The following SEM1 variants were observed in gnomAD, a reference collection of about 807,000 sequenced individuals.
SEM1 encodes the protein SEM1 26S proteasome subunit.
SEM1 carries 3 observed loss-of-function variants against 12.7 expected under a neutral mutation model. That is an observed-to-expected ratio of 0.24 (90% CI 0.11 to 0.61). The LOEUF (loss-of-function observed/expected upper bound fraction) is 0.61, where lower values mean the gene tolerates loss of function less well. SEM1 is among the 20% of genes least tolerant of loss of function. The pLI is 0.88. For synonymous variants in SEM1, 30 were observed against 27.8 expected (o/e 1.08, Z -0.25); for missense variants, 59 against 81.3 (o/e 0.73, Z 1.06).
At chr7:96,680,069 A>G (rs1254782283) in intron 2 of SEM1, among the ~76,000 whole-genome samples, 1 of 152,044 alleles carries the variant, frequency 6.6e-6, no homozygotes, top group East Asian at 1.9e-4. Flanking sequence ...CTCTCAACCA[A>G]TGACTGACGA....
chr7:96,534,382 T>A (rs1011427364), intron 2 of SEM1, among the ~76,000 whole-genome samples: 3 of 152,062 alleles, frequency 2.0e-5, no homozygotes, highest in Non-Finnish European at 4.4e-5. Flanking sequence ...CCTTATGAAA[T>A]GTGTCAACAT....
intron 2 of SEM1, among the ~76,000 whole-genome samples, chr7:96,509,392 A>G (rs1317109232): frequency 6.6e-6 from 1 of 152,028 alleles, no homozygotes; most frequent in Non-Finnish European, 1.5e-5. Context: ...TTTCACATTA[A>G]TAAGCATTAG....
chr7:96,501,717 AATT>A (rs1046584241), intron 3 of SEM1, among the ~76,000 whole-genome samples: 8 of 152,106 alleles, frequency 5.3e-5, no homozygotes, highest in Non-Finnish European at 8.8e-5. Context: ...GCTTTATGTG[AATT>A]ATTATTATTT....
intron 2 of SEM1, among the ~76,000 whole-genome samples, chr7:96,570,440 G>A (rs1399644863): frequency 6.6e-6 from 1 of 151,896 alleles, no homozygotes; most frequent in Admixed American, 6.6e-5. Context: ...GTGAGAACAC[G>A]TGGTGTTTGG....
chr7:96,540,074 A>C (rs1280066894), intron 2 of SEM1, among the ~76,000 whole-genome samples: 1 of 151,346 alleles, frequency 6.6e-6, no homozygotes, highest in Non-Finnish European at 1.5e-5. Context: ...TTATATAAAA[A>C]ATTGAAAAAG....
chr7:96,555,949 CTTCT>C (rs1805478995), intron 2 of SEM1, among the ~76,000 whole-genome samples: 3 of 143,816 alleles, frequency 2.1e-5, no homozygotes, highest in South Asian at 2.3e-4. Context: ...ATGTAATGGC[CTTCT>C]TTGTCTTTTT....
chr7:96,580,885 G>T (rs1314576340), intron 2 of SEM1, among the ~76,000 whole-genome samples: 5 of 152,108 alleles, frequency 3.3e-5, no homozygotes, highest in African/African-American at 1.2e-4. Flanking sequence ...TGTCAGATGA[G>T]TAGGTTGCAA....
At chr7:96,596,194 T>C (rs1050181281) in intron 2 of SEM1, among the ~76,000 whole-genome samples, 3 of 152,206 alleles carry the variant, frequency 2.0e-5, no homozygotes, top group Non-Finnish European at 4.4e-5. Flanking sequence ...GAGCAGTGGT[T>C]GATCTGATAA....
At chr7:96,652,417 A>ATAAAGTATC (rs1390179165) in intron 2 of SEM1, among the ~76,000 whole-genome samples, 2 of 152,088 alleles carry the variant, frequency 1.3e-5, no homozygotes, top group Non-Finnish European at 2.9e-5. Flanking sequence ...TTAGGATATG[A>ATAAAGTATC]TAAAGTATCT....
intron 2 of SEM1, among the ~76,000 whole-genome samples, chr7:96,583,098 T>C (rs2116072690): frequency 6.6e-6 from 1 of 152,206 alleles, no homozygotes; most frequent in South Asian, 2.1e-4. Context: ...TGCTTTCTCT[T>C]GTGGGCATTT....
At chr7:96,511,881 AG>A (rs1191942061) in intron 2 of SEM1, among the ~76,000 whole-genome samples, 1 of 152,096 alleles carries the variant, frequency 6.6e-6, no homozygotes, top group Non-Finnish European at 1.5e-5. Flanking sequence ...CCTTTAAAGC[AG>A]GGCTTCTCAA....
chr7:96,582,204 G>A, intron 2 of SEM1, among the ~76,000 whole-genome samples: 1 of 150,904 alleles, frequency 6.6e-6, no homozygotes. Context: ...TTTGTCAAAG[G>A]CCTTTTCTGC....
intron 2 of SEM1, among the ~76,000 whole-genome samples, chr7:96,578,402 C>T (rs1021429769): frequency 2.6e-5 from 4 of 151,868 alleles, no homozygotes; most frequent in African/African-American, 7.3e-5. Flanking sequence ...AAACAAATGA[C>T]AATTTGATTG....
intron 2 of SEM1, among the ~76,000 whole-genome samples, chr7:96,654,652 TA>T (rs1030056390): frequency 7.2e-5 from 11 of 152,132 alleles, no homozygotes; most frequent in Admixed American, 1.3e-4. Context: ...TGTGCACACT[TA>T]AGGTAGGGTA....
chr7:96,684,735 T>C (rs1173248728), downstream of SEM1, among the ~76,000 whole-genome samples: 1 of 152,104 alleles, frequency 6.6e-6, no homozygotes, highest in African/African-American at 2.4e-5. Context: ...AAGGGTTCTC[T>C]TCTCATCAAG....
intron 2 of SEM1, among the ~76,000 whole-genome samples, chr7:96,551,804 A>G (rs1175011262): frequency 1.3e-5 from 2 of 152,146 alleles, no homozygotes; most frequent in Non-Finnish European, 2.9e-5. Context: ...CTAAGGATCA[A>G]CAAGGACTGC....
At chr7:96,575,024 C>A (rs950297682) in intron 2 of SEM1, among the ~76,000 whole-genome samples, 1 of 152,166 alleles carries the variant, frequency 6.6e-6, no homozygotes, top group African/African-American at 2.4e-5. Context: ...GACTTGTGAT[C>A]CTTTGGTGGA....
At chr7:96,504,442 C>A (rs1803681452) in intron 3 of SEM1, among the ~76,000 whole-genome samples, 1 of 152,088 alleles carries the variant, frequency 6.6e-6, no homozygotes, top group Non-Finnish European at 1.5e-5. Flanking sequence ...TAACAAATCC[C>A]CATGAGCTCA....
intron 2 of SEM1, among the ~76,000 whole-genome samples, chr7:96,586,762 C>CA (rs1806651036): frequency 6.6e-6 from 1 of 152,146 alleles, no homozygotes; most frequent in South Asian, 2.1e-4. Context: ...TGATACCTCC[C>CA]AAAAACTAAT....
Sources: gnomAD v4.1 joint callset for allele counts (sites outside exome capture counted in the v4.1 genomes callset) on GRCh38, gnomAD v4.1.1 for gene constraint, MANE v1.5 for transcripts, NCBI Gene and HGNC (gene_info 2026-07-23, HGNC 2026-07-21) for gene names.